SLA2: variants seen among roughly 807,000 people sequenced by gnomAD.
The protein encoded by SLA2 is Src like adaptor 2.
SLA2 carries 22 observed loss-of-function variants against 27.3 expected under a neutral mutation model. That is an observed-to-expected ratio of 0.81 (90% CI 0.58 to 1.15). SLA2 has a LOEUF of 1.15. Ranked by LOEUF, SLA2 falls within the 50% of genes most tolerant of loss-of-function variation. The probability of loss-of-function intolerance (pLI) is 0.00; values close to 1 mark genes in which losing one functional copy is unlikely to be tolerated. For synonymous variants in SLA2, 131 were observed against 137.8 expected, an observed-to-expected ratio of 0.95 and a Z score of 0.34; for missense variants, 304 against 322.2, an observed-to-expected ratio of 0.94 and a Z score of 0.43.
At chr20:36,632,800 C>G (rs1600827932) in intron 4 of SLA2, 102 bp from the exon 5 acceptor site, 2 of 834,722 alleles carry the variant, frequency 2.4e-6, no homozygotes, top group Non-Finnish European at 3.9e-6. Flanking sequence ...AAGGCCCTCC[C>G]TCTCTGGGCC....
At chr20:36,621,752 C>T (rs1391564989) in intron 5 of SLA2, among the ~76,000 whole-genome samples, 2 of 151,822 alleles carry the variant, frequency 1.3e-5, no homozygotes, top group African/African-American at 4.8e-5. Context: ...TGGCTAATGC[C>T]TGTAATCCAA....
intron 5 of SLA2, among the ~76,000 whole-genome samples, chr20:36,617,392 G>A (rs546244780): frequency 6.9e-4 from 104 of 151,818 alleles, no homozygotes; most frequent in Admixed American, 1.4e-3. Flanking sequence ...AACAAGGCTG[G>A]GCAGAGTGGC....
intron 5 of SLA2, among the ~76,000 whole-genome samples, chr20:36,626,553 T>TA (rs566064318): frequency 4.3e-4 from 58 of 135,836 alleles, no homozygotes; most frequent in East Asian, 6.7e-4. Flanking sequence ...GACCCTGTCT[T>TA]AAAAAAAAAA....
chr20:36,642,803 T>C (rs1978284859), intron 1 of SLA2, among the ~76,000 whole-genome samples: 1 of 152,184 alleles, frequency 6.6e-6, no homozygotes, highest in Non-Finnish European at 1.5e-5. Context: ...CAGGCTGGTC[T>C]TGAACTCCCG....
chr20:36,632,540 T>G (rs938412613), intron 5 of SLA2, 55 bp downstream of exon 5: 8 of 1,386,160 alleles, frequency 5.8e-6, no homozygotes, highest in Admixed American at 1.7e-5. Context: ...ATCTGTGGGC[T>G]CCTTTCTGAG....
chr20:36,633,827 G>C (rs1307505347), intron 3 of SLA2, among the ~76,000 whole-genome samples, 198 bp from the exon 4 acceptor site: 3 of 151,596 alleles, frequency 2.0e-5, no homozygotes, highest in Non-Finnish European at 4.4e-5. Context: ...CACAATTCCA[G>C]GCTCCCTGCT....
At position 36,641,380 on chromosome 20, in the gene SLA2, TGAAA is replaced by T; in HGVS notation, c.-43-6_-43-3del. ...CAGAAGCACATCATCGAGGGAAATC[TGAAA>T]GAGACACAGTGATGGGGACAGAGCC... On this transcript the variant is annotated splice_region_variant and splice_polypyrimidine_tract_variant and intron_variant, in intron 1 of 7. Transcript: ENST00000262866. 2.6e-6 allele frequency: 4 copies of T among 1,548,020 alleles called. No homozygotes were observed. The highest frequency in any genetic ancestry group is 3.6e-6 in the Non-Finnish European group (4 of 1,121,056).
chr20:36,621,625 CAAACAAAACA>C (rs924955689), intron 5 of SLA2, among the ~76,000 whole-genome samples: 3 of 147,760 alleles, frequency 2.0e-5, no homozygotes, highest in East Asian at 2.1e-4. Context: ...GACTCCATCT[CAAACAAAACA>C]AAACAAAACA....
At chr20:36,625,824 C>CA (rs935601715) in intron 5 of SLA2, among the ~76,000 whole-genome samples, 3,162 of 49,750 alleles carry the variant, frequency 0.064, 86 homozygotes, top group African/African-American at 0.13. Context: ...GAGATCCTGT[C>CA]AAAAAAAAAA....
chr20:36,640,950 A>C (rs1391886884), intron 2 of SLA2, among the ~76,000 whole-genome samples: 2 of 152,080 alleles, frequency 1.3e-5, no homozygotes, highest in Non-Finnish European at 2.9e-5. Flanking sequence ...AGAAGGAGGG[A>C]AGCCTTGGGA....
At chr20:36,640,718 T>C (rs148497723) in intron 2 of SLA2, among the ~76,000 whole-genome samples, 1 of 152,150 alleles carries the variant, frequency 6.6e-6, no homozygotes, top group Non-Finnish European at 1.5e-5. Flanking sequence ...GGTTTCACCA[T>C]GTTGGCCAGG....
rs568546162 is a variant in SLA2, at chr20:36,638,201, T to C, written c.91+3044A>G. 2.0e-4 allele frequency among the ~76,000 whole-genome samples: 31 copies of C among 152,276 alleles called. No individual in the cohort carries two copies. The South Asian group carries it at 5.2e-3, about 25-fold the overall frequency. On this transcript the variant is annotated intron_variant, in intron 2 of 7. Transcript: ENST00000262866. ...CCTGGCCTGAAGTTTGCTTTTTTTTTAGTCAGCTCTGTAAAACAGTGTGCT... is the reference window on the plus strand; with the variant it reads ...CCTGGCCTGAAGTTTGCTTTTTTTTCAGTCAGCTCTGTAAAACAGTGTGCT...
At chr20:36,644,375 A>G (rs221310) in intron 1 of SLA2, among the ~76,000 whole-genome samples, 68,894 of 152,082 alleles carry the variant, frequency 0.45, 18,546 homozygotes, top group African/African-American at 0.74. Context: ...ATCTGTGAAC[A>G]AGGTGCACTA....
intron 5 of SLA2, among the ~76,000 whole-genome samples, chr20:36,619,220 G>GAAAAA (rs60021707): frequency 2.8e-5 from 2 of 71,294 alleles, no homozygotes; most frequent in Admixed American, 2.1e-4. Context: ...GACTCTGGGG[G>GAAAAA]AAAAAAAAAA....
In SLA2 at chr20:36,613,910, A is replaced by T; in HGVS notation, c.742T>A (p.Tyr248Asn). 1 of 1,614,090 alleles carries T rather than the reference A, an allele frequency of 6.2e-7. No individual in the cohort carries two copies. ...SEGLRESLSF[Y>N]ISLNDEAVSL... ...ACAGCCTCGTCATTCAGGCTGATGT[A>T]GAAGCTGAGGGACTCCCGGAGACCC... The change falls in exon 8 of 8, where the codon TAC becomes AAC. Residue 248 changes from tyrosine (Y) to asparagine (N), a missense_variant. Physicochemically the swap from Tyr to Asn is moderately radical, Grantham distance 143. Transcript: ENST00000262866.
At chr20:36,635,000 A>G (rs1042362600) in intron 2 of SLA2, among the ~76,000 whole-genome samples, 2 of 152,008 alleles carry the variant, frequency 1.3e-5, no homozygotes, top group Non-Finnish European at 2.9e-5. Flanking sequence ...GCTAATTTAA[A>G]ACAATTTTTT....
At chr20:36,623,542 A>G (rs1241487493) in intron 5 of SLA2, among the ~76,000 whole-genome samples, 1 of 152,212 alleles carries the variant, frequency 6.6e-6, no homozygotes, top group Non-Finnish European at 1.5e-5. Flanking sequence ...TAAATTTAGT[A>G]AGGTGACCCA....
In SLA2 at chr20:36,619,083, C is replaced by T. The variant is rs530140632; in HGVS notation, c.383-3709G>A. ...TCTACAAAAAATACAAAAAAATTAG[C>T]CAGGCTTGGTGCCAGTAATTCCAGC... On this transcript the variant is annotated intron_variant, in intron 5 of 7. Transcript: ENST00000262866. Among the ~76,000 whole-genome samples, 76 of 151,164 alleles carry T rather than the reference C, an allele frequency of 5.0e-4. No homozygotes were observed. In the South Asian group the frequency reaches 0.015, roughly 31 times the overall value.
At chr20:36,625,216 ATT>A (rs71186005) in intron 5 of SLA2, among the ~76,000 whole-genome samples, 19 of 78,484 alleles carry the variant, frequency 2.4e-4, no homozygotes, top group African/African-American at 6.9e-4. Context: ...ACGTACCCTG[ATT>A]TTTTTTTTTT....
Sources: allele counts gnomAD v4.1 joint callset (sites outside exome capture counted in the v4.1 genomes callset), GRCh38; gene constraint gnomAD v4.1.1; transcripts MANE v1.5; gene names NCBI Gene and HGNC (gene_info 2026-07-23, HGNC 2026-07-21).